The following CHMP5 variants were observed in gnomAD, a reference collection of about 807,000 sequenced individuals.
The protein encoded by CHMP5 is SNF7 domain containing 2.
CHMP5 carries 17 observed loss-of-function variants against 33.0 expected under a neutral mutation model. The observed-to-expected ratio is 0.52, with a 90% CI of 0.35 to 0.77. CHMP5 has a LOEUF of 0.77. Ranked by LOEUF, CHMP5 falls within the 30% of genes least tolerant of loss-of-function variation. The pLI, the probability that CHMP5 is intolerant of heterozygous loss-of-function variation, is 0.01. For synonymous variants in CHMP5, 76 were observed against 90.2 expected (o/e 0.84, Z 0.89); for missense variants, 216 against 261.5 (o/e 0.83, Z 1.20).
intron 5 of CHMP5, 119 bp downstream of exon 5, chr9:33,271,342 A>G (rs1228685747): frequency 2.5e-6 from 2 of 788,632 alleles, no homozygotes; most frequent in Non-Finnish European, 4.3e-6. Flanking sequence ...GCCATTTACT[A>G]GTAGAGTAAC....
intron 6 of CHMP5, among the ~76,000 whole-genome samples, chr9:33,277,088 C>T (rs772096117): frequency 6.8e-6 from 1 of 147,876 alleles, no homozygotes; most frequent in African/African-American, 2.5e-5. Flanking sequence ...CCTAGCTACT[C>T]GGGAGGCTGA....
chr9:33,270,491 G>C, intron 3 of CHMP5, 132 bp from the exon 4 acceptor site: 1 of 670,368 alleles, frequency 1.5e-6, no homozygotes. Context: ...ATTTTTCTGC[G>C]TGATACCTAA....
intron 7 of CHMP5, 107 bp downstream of exon 7, chr9:33,278,332 A>G (rs1313103985): frequency 1.4e-5 from 10 of 705,184 alleles, no homozygotes; most frequent in Non-Finnish European, 2.4e-5. Context: ...ACAAAGAAAG[A>G]CAGTCCTGGT....
intron 2 of CHMP5, among the ~76,000 whole-genome samples, chr9:33,266,780 A>G (rs1820732957): frequency 6.6e-6 from 1 of 152,212 alleles, no homozygotes; most frequent in South Asian, 2.1e-4. Context: ...AGACTGCTTA[A>G]GGAGTGGCCT....
chr9:33,268,496 G>T (rs1398035812), intron 3 of CHMP5, among the ~76,000 whole-genome samples: 6 of 152,186 alleles, frequency 3.9e-5, no homozygotes, highest in African/African-American at 1.4e-4. Flanking sequence ...GGTTATAGAG[G>T]TCAGGTATAA....
intron 7 of CHMP5, among the ~76,000 whole-genome samples, chr9:33,279,866 CAAA>C (rs77706408): frequency 1.8e-5 from 1 of 54,956 alleles, no homozygotes; most frequent in Non-Finnish European, 3.4e-5. Context: ...AACTCAATCT[CAAA>C]AAAAAAAAAA....
chr9:33,265,897 A>G (rs930626177), intron 1 of CHMP5, 113 bp from the exon 2 acceptor site: 5 of 605,982 alleles, frequency 8.3e-6, no homozygotes, highest in Non-Finnish European at 1.5e-5. Flanking sequence ...ACTGTTTTTC[A>G]CCCTTCCCCT....
intron 3 of CHMP5, 50 bp from the exon 4 acceptor site, chr9:33,270,573 G>T (rs767575995): frequency 1.4e-6 from 2 of 1,389,216 alleles, no homozygotes; most frequent in South Asian, 1.2e-5. Context: ...TTGTTCTTGA[G>T]GATTTCTATC....
chr9:33,281,813 A>G lies in CHMP5; in HGVS notation c.*954A>G, dbSNP rs997264781. 1 of 152,222 alleles carries G rather than the reference A, an allele frequency of 6.6e-6. No homozygotes were observed. The highest frequency in any genetic ancestry group is 1.5e-5 in the Non-Finnish European group (1 of 68,030). 9.4% of individuals were successfully genotyped at this position (152,222 alleles called of 1,614,324 possible). ...GGTCATAAGTACCTTGTTAACTGCA[A>G]GGGGCTATTCTTATATGAGGGATTG... On this transcript the variant is annotated 3_prime_UTR_variant, in exon 8 of 8. Transcript: ENST00000223500.
At chr9:33,265,197 A>ACC in intron 1 of CHMP5, 50 bp downstream of exon 1, 2 of 1,472,448 alleles carry the variant, frequency 1.4e-6, no homozygotes. Context: ...GACACACCCG[A>ACC]CCCCGCCCAC....
At chr9:33,269,887 C>A (rs1044811742) in intron 3 of CHMP5, among the ~76,000 whole-genome samples, 3 of 152,022 alleles carry the variant, frequency 2.0e-5, no homozygotes, top group African/African-American at 4.8e-5. Context: ...GCAGGAGAAT[C>A]TCTTGAACCC....
At chr9:33,266,807 C>G (rs1820733177) in intron 2 of CHMP5, among the ~76,000 whole-genome samples, 1 of 152,184 alleles carries the variant, frequency 6.6e-6, no homozygotes, top group African/African-American at 2.4e-5. Flanking sequence ...AAAAACTGAA[C>G]TAGGCATCTG....
In CHMP5 at chr9:33,281,195, C is replaced by G; in HGVS notation, c.*336C>G. ...GTCTATGACAGTGTAACTCTACAGT[C>G]TCAAAATGACCTGATAAATTGATAA... On this transcript the variant is annotated 3_prime_UTR_variant, in exon 8 of 8. Coordinates refer to ENST00000223500, the MANE Select transcript of CHMP5 (RefSeq NM_016410.6). 1 of 204,384 alleles carries G rather than the reference C, an allele frequency of 4.9e-6. No homozygotes were observed. The highest frequency in any genetic ancestry group is 9.8e-6 in the Non-Finnish European group (1 of 102,546). 12.7% of individuals were successfully genotyped at this position (204,384 alleles called of 1,614,324 possible). A position where few individuals can be genotyped will look rare whatever the true frequency, so the allele number is the denominator to read the frequency against.
intron 6 of CHMP5, 48 bp from the exon 7 acceptor site, chr9:33,278,065 A>G: frequency 8.2e-7 from 1 of 1,226,626 alleles, no homozygotes. Context: ...ATTAGCTGCC[A>G]GTTTTCTTGG....
At position 33,281,013 on chromosome 9, in the gene CHMP5, G is replaced by T. The variant is rs1820916055; in HGVS notation, c.*154G>T. 2.0e-6 allele frequency: 1 copy of T among 490,318 alleles called. No individual in the cohort carries two copies. Among genetic ancestry groups the T allele is most frequent in the South Asian group, 5.3e-5 (1 of 18,696 alleles). The allele number at this position is 490,318 out of a possible 1,614,324, so 30.4% of individuals were successfully genotyped here. Reference sequence around the variant, plus strand: ...TGCTCTTTTATTTTTTCCATTAAGAGACTCATTGCTTGGGAAATGCTTTCT... The same window carrying T: ...TGCTCTTTTATTTTTTCCATTAAGATACTCATTGCTTGGGAAATGCTTTCT... On this transcript the variant is annotated 3_prime_UTR_variant, in exon 8 of 8. Transcript: ENST00000223500.
chr9:33,277,503 G>A (rs1221921160), intron 6 of CHMP5, among the ~76,000 whole-genome samples: 2 of 152,158 alleles, frequency 1.3e-5, no homozygotes, highest in Non-Finnish European at 2.9e-5. Context: ...AATGAGAAGG[G>A]TTGTCGAATG....
Position 33,280,197 on chromosome 9 carries a change from G to A in CHMP5, c.610-612G>A, listed in dbSNP as rs867320982. Among the ~76,000 whole-genome samples the A allele has an allele frequency of 4.5e-4, 69 of 152,118 alleles. 1 individual carries two copies. Among genetic ancestry groups the A allele is most frequent in the Admixed American group, 2.9e-3 (44 of 15,292 alleles). On this transcript the variant is annotated intron_variant, in intron 7 of 7. Coordinates refer to ENST00000223500, the MANE Select transcript of CHMP5 (RefSeq NM_016410.6). ...TCACTATGTTGGTCAGGCTGGCCTCGAACTCCTGACCTCAAATGATCCACC... is the reference window on the plus strand; with the variant it reads ...TCACTATGTTGGTCAGGCTGGCCTCAAACTCCTGACCTCAAATGATCCACC...
intron 7 of CHMP5, among the ~76,000 whole-genome samples, chr9:33,279,078 A>G (rs187808249): frequency 2.6e-4 from 39 of 152,190 alleles, no homozygotes; most frequent in Middle Eastern, 6.8e-3. Context: ...GTGCGCGCCA[A>G]CATGCCTGGC....
At chr9:33,271,116 T>C in intron 4 of CHMP5, 36 bp from the exon 5 acceptor site, 1 of 1,444,350 alleles carries the variant, frequency 6.9e-7, no homozygotes, top group Admixed American at 1.7e-5. Flanking sequence ...CAACATGACT[T>C]ACTAAAACAT....
Sources: allele counts gnomAD v4.1 joint callset (sites outside exome capture counted in the v4.1 genomes callset), GRCh38; gene constraint gnomAD v4.1.1; transcripts MANE v1.5; gene names NCBI Gene and HGNC (gene_info 2026-07-23, HGNC 2026-07-21).